The following SCTR variants were observed in gnomAD, a reference collection of about 807,000 sequenced individuals.
The protein encoded by SCTR is pancreatic secretin receptor.
A neutral mutation model predicts 60.8 loss-of-function variants in SCTR; 56 were observed. That is an observed-to-expected ratio of 0.92 (90% CI 0.74 to 1.15). The LOEUF is 1.15. SCTR is among the 50% of genes most tolerant of loss of function. The pLI is 0.00. For synonymous variants in SCTR, 202 were observed against 217.0 expected, an observed-to-expected ratio of 0.93 and a Z score of 0.61; for missense variants, 562 against 550.4, an observed-to-expected ratio of 1.02 and a Z score of -0.21.
intron 1 of SCTR, among the ~76,000 whole-genome samples, chr2:119,513,205 C>G (rs144330629): frequency 1.3e-5 from 2 of 152,230 alleles, no homozygotes; most frequent in Non-Finnish European, 1.5e-5. Flanking sequence ...TCTTTCCATA[C>G]AGCTATCACT....
intron 1 of SCTR, among the ~76,000 whole-genome samples, chr2:119,517,045 CCA>C (rs58865201): frequency 2.6e-5 from 4 of 151,416 alleles, no homozygotes; most frequent in Admixed American, 6.6e-5. Context: ...GGTGCTCTTA[CCA>C]CACACACACA....
intron 2 of SCTR, chr2:119,479,238 G>A (rs1309184186): frequency 2.8e-6 from 3 of 1,080,732 alleles, no homozygotes; most frequent in African/African-American, 3.3e-5. Context: ...GGAGCAGATG[G>A]CACATCTGTT....
At chr2:119,482,394 C>T (rs753719733) in intron 2 of SCTR, among the ~76,000 whole-genome samples, 1 of 152,178 alleles carries the variant, frequency 6.6e-6, no homozygotes, top group Non-Finnish European at 1.5e-5. Context: ...GGGGCAGTCC[C>T]AGGAGCCACA....
intron 10 of SCTR, among the ~76,000 whole-genome samples, 173 bp downstream of exon 10, chr2:119,448,516 G>A (rs1266790997): frequency 6.6e-6 from 1 of 152,124 alleles, no homozygotes; most frequent in Non-Finnish European, 1.5e-5. Context: ...CAGTGTCTGA[G>A]GCTCTAAAAT....
At position 119,524,167 on chromosome 2, in the gene SCTR, G is replaced by A; in HGVS notation, c.60C>T (p.Cys20=). The A allele has an allele frequency of 6.5e-7, 1 of 1,535,596 alleles. No individual in the cohort carries two copies. The highest frequency in any genetic ancestry group is 8.8e-7 in the Non-Finnish European group (1 of 1,139,820). The change falls in exon 1 of 13, where the codon TGC becomes TGT. Residue 20 remains cysteine, a synonymous_variant. Transcript: ENST00000019103. The part of the protein sequence containing the change: ...QQLLLPVLLA[C]AAHSTGALPR... ...GCGCAGTACTCACCGAGTGCGCGGC[G>A]CAGGCGAGCAGCACCGGCAGTAGTA...
At chr2:119,473,872 G>C (rs1677142971) in intron 3 of SCTR, among the ~76,000 whole-genome samples, 1 of 152,134 alleles carries the variant, frequency 6.6e-6, no homozygotes, top group Non-Finnish European at 1.5e-5. Flanking sequence ...GAGAATCTGT[G>C]GTGGCTGCCC....
intron 1 of SCTR, among the ~76,000 whole-genome samples, chr2:119,519,705 C>T (rs1054835167): frequency 6.7e-6 from 1 of 150,174 alleles, no homozygotes; most frequent in Non-Finnish European, 1.5e-5. Context: ...ACTCAGGAGG[C>T]TGAGGCAGGA....
chr2:119,499,777 T>C (rs2104914173), intron 1 of SCTR, among the ~76,000 whole-genome samples: 1 of 152,176 alleles, frequency 6.6e-6, no homozygotes, highest in Non-Finnish European at 1.5e-5. Flanking sequence ...GGGGAGCTTC[T>C]TCAACTTGAT....
chr2:119,508,383 C>CTTTTTTT (rs34070844), intron 1 of SCTR, among the ~76,000 whole-genome samples: 73 of 77,394 alleles, frequency 9.4e-4, no homozygotes, highest in Non-Finnish European at 1.2e-3. Flanking sequence ...TCTTCTTCTT[C>CTTTTTTT]TTTTTTTTTT....
chr2:119,445,295 C>T (rs17015891), intron 11 of SCTR, among the ~76,000 whole-genome samples: 2,710 of 152,280 alleles, frequency 0.018, 74 homozygotes, highest in African/African-American at 0.062. Flanking sequence ...CCTCCCTGGA[C>T]GTTACAAGAG....
Position 119,514,556 on chromosome 2 carries a change from G to C in SCTR, c.72+9599C>G, listed in dbSNP as rs1301564009. On this transcript the variant is annotated intron_variant, in intron 1 of 12. Transcript: ENST00000019103. Reference sequence around the variant, plus strand: ...CTTAAGTCAAGATGGCAAAATCTGGGAGGAGATATAATAAAAATCTTTTAA... The same window carrying C: ...CTTAAGTCAAGATGGCAAAATCTGGCAGGAGATATAATAAAAATCTTTTAA... Among the ~76,000 whole-genome samples, 5 of 152,260 alleles carry C rather than the reference G, an allele frequency of 3.3e-5. No individual in the cohort carries two copies. In the East Asian group the frequency reaches 7.7e-4, roughly 24 times the overall value.
intron 7 of SCTR, among the ~76,000 whole-genome samples, chr2:119,455,606 A>G (rs1683343092): frequency 6.6e-6 from 1 of 152,248 alleles, no homozygotes; most frequent in Non-Finnish European, 1.5e-5. Context: ...GGAACGGAGC[A>G]TATGATAACC....
At chr2:119,500,581 T>A (rs1217160896) in intron 1 of SCTR, among the ~76,000 whole-genome samples, 1 of 152,176 alleles carries the variant, frequency 6.6e-6, no homozygotes, top group Non-Finnish European at 1.5e-5. Flanking sequence ...GCAACACAGT[T>A]GGAAATGGAG....
intron 6 of SCTR, among the ~76,000 whole-genome samples, chr2:119,463,022 T>C (rs2579645): frequency 0.58 from 88,346 of 151,894 alleles, 27,433 homozygotes; most frequent in Non-Finnish European, 0.69. Flanking sequence ...TTGAGAGACA[T>C]GGATCCTACC....
At chr2:119,488,966 C>A (rs1329865015) in intron 2 of SCTR, among the ~76,000 whole-genome samples, 1 of 152,188 alleles carries the variant, frequency 6.6e-6, no homozygotes, top group African/African-American at 2.4e-5. Context: ...TCGTCAGATC[C>A]AGCAGTGAGT....
Position 119,447,511 on chromosome 2 carries a change from C to G in SCTR, c.1014-626G>C, listed in dbSNP as rs535660245. Reference sequence around the variant, plus strand: ...GTAATCTGAGGCACTGTCAGATTCTCAAAACACGAAACACCATGGAGAAGG... The same window carrying G: ...GTAATCTGAGGCACTGTCAGATTCTGAAAACACGAAACACCATGGAGAAGG... On this transcript the variant is annotated intron_variant, in intron 10 of 12. Coordinates refer to ENST00000019103, the MANE Select transcript of SCTR (RefSeq NM_002980.3). Among the ~76,000 whole-genome samples the G allele has an allele frequency of 1.3e-4, 20 of 152,316 alleles. No individual in the cohort carries two copies. In the South Asian group the frequency reaches 1.9e-3, roughly 14 times the overall value.
intron 3 of SCTR, chr2:119,476,697 G>C (rs554064998): frequency 6.6e-6 from 1 of 152,430 alleles, no homozygotes; most frequent in Non-Finnish European, 1.5e-5. Flanking sequence ...AGTGCTGCGG[G>C]AGGCGGAGGT....
chr2:119,495,709 G>A (rs545830674), intron 1 of SCTR, among the ~76,000 whole-genome samples: 4 of 152,220 alleles, frequency 2.6e-5, no homozygotes, highest in East Asian at 3.9e-4. Flanking sequence ...TAGTGCTATC[G>A]GAAAGGATCT....
At chr2:119,491,723 C>T (rs1678140145) in intron 2 of SCTR, among the ~76,000 whole-genome samples, 1 of 152,124 alleles carries the variant, frequency 6.6e-6, no homozygotes, top group African/African-American at 2.4e-5. Flanking sequence ...GTTGGCCAGG[C>T]TGGTCTCAAA....
Sources: allele counts gnomAD v4.1 joint callset (sites outside exome capture counted in the v4.1 genomes callset), GRCh38; gene constraint gnomAD v4.1.1; transcripts MANE v1.5; gene names NCBI Gene and HGNC (gene_info 2026-07-23, HGNC 2026-07-21).